The following FRMPD4 variants were observed in gnomAD, a reference collection of about 807,000 sequenced individuals.
The protein encoded by FRMPD4 is FERM and PDZ domain-containing protein 4.
FRMPD4 carries 22 observed loss-of-function variants against 94.1 expected under a neutral mutation model. The observed-to-expected ratio is 0.23, with a 90% CI of 0.17 to 0.33. The LOEUF (loss-of-function observed/expected upper bound fraction) is 0.33, where lower values mean the gene tolerates loss of function less well. Ranked by LOEUF, FRMPD4 falls within the 10% of genes least tolerant of loss-of-function variation. The probability of loss-of-function intolerance (pLI) is 1.00; values close to 1 mark genes in which losing one functional copy is unlikely to be tolerated. For synonymous variants in FRMPD4, 631 were observed against 548.6 expected, an observed-to-expected ratio of 1.15 and a Z score of -2.10; for missense variants, 1,111 against 1,339.9, an observed-to-expected ratio of 0.83 and a Z score of 2.67.
intron 3 of FRMPD4, among the ~76,000 whole-genome samples, chrX:11,917,444 T>C (rs1490121660): frequency 5.3e-5 from 6 of 112,157 alleles, no homozygotes. Context: ...TGTGCTTGTA[T>C]GTTCATCACA....
intron 2 of FRMPD4, among the ~76,000 whole-genome samples, chrX:12,501,563 A>G (rs1344805999): frequency 2.7e-5 from 3 of 110,773 alleles, no homozygotes; most frequent in African/African-American, 9.9e-5. Context: ...TTTAGAAGTT[A>G]AAGGTACAAT....
intron 1 of FRMPD4, among the ~76,000 whole-genome samples, chrX:12,263,987 A>G (rs2054235091): frequency 9.0e-6 from 1 of 111,044 alleles, no homozygotes. Context: ...TGGAGCATTA[A>G]TACCTCCCAT....
At chrX:12,619,297 C>A (rs769413567) in intron 4 of FRMPD4, among the ~76,000 whole-genome samples, 27 of 111,914 alleles carry the variant, frequency 2.4e-4, no homozygotes, top group African/African-American at 8.8e-4. Flanking sequence ...TCCTGGGTAG[C>A]GGTAGTGTTC....
intron 1 of FRMPD4, among the ~76,000 whole-genome samples, chrX:12,154,491 C>T (rs2055904736): frequency 8.9e-6 from 1 of 112,143 alleles, no homozygotes; most frequent in African/African-American, 3.2e-5. Context: ...AGAGGAGAGA[C>T]GAAATAGAAG....
chrX:12,214,380 G>A (rs2056783666), intron 1 of FRMPD4, among the ~76,000 whole-genome samples: 1 of 111,571 alleles, frequency 9.0e-6, no homozygotes, highest in South Asian at 3.7e-4. Context: ...GGGAGAGTTG[G>A]TACTTCATTT....
chrX:12,141,743 TC>T (rs1279127522), intron 1 of FRMPD4, among the ~76,000 whole-genome samples: 2 of 112,021 alleles, frequency 1.8e-5, no homozygotes, highest in Admixed American at 1.9e-4. Context: ...ATTTTCTGGT[TC>T]TTAAACTGCT....
At chrX:11,876,161 T>TCA (rs2053784286) in intron 2 of FRMPD4, among the ~76,000 whole-genome samples, 1 of 110,091 alleles carries the variant, frequency 9.1e-6, no homozygotes, top group Non-Finnish European at 1.9e-5. Context: ...TTCTTTTTTA[T>TCA]CACATTCACT....
At chrX:11,911,493 G>C (rs1048248937) in intron 3 of FRMPD4, among the ~76,000 whole-genome samples, 5 of 112,199 alleles carry the variant, frequency 4.5e-5, no homozygotes, top group African/African-American at 1.6e-4. Flanking sequence ...CTGTTTTGCA[G>C]CAAAGGGCTT....
intron 3 of FRMPD4, among the ~76,000 whole-genome samples, chrX:12,109,426 G>T (rs1476264330): frequency 8.9e-6 from 1 of 112,168 alleles, no homozygotes; most frequent in Admixed American, 9.4e-5. Context: ...TTAAAGCAGT[G>T]TGTAGAGGGA....
intron 1 of FRMPD4, among the ~76,000 whole-genome samples, chrX:12,195,219 C>T (rs528381755): frequency 3.9e-4 from 44 of 111,918 alleles, no homozygotes; most frequent in African/African-American, 1.4e-3. Flanking sequence ...TGGAACGTCA[C>T]TAATGTTTAA....
At position 11,905,225 on chromosome X, in the gene FRMPD4, C is replaced by T. The variant is rs551312893; in HGVS notation, c.95+27207C>T. 2.4e-4 allele frequency among the ~76,000 whole-genome samples: 27 copies of T among 111,893 alleles called. No individual in the cohort carries two copies. In the South Asian group the frequency reaches 6.4e-3, roughly 27 times the overall value. On this transcript the variant is annotated intron_variant, in intron 3 of 18. Coordinates refer to the FRMPD4 transcript ENST00000640291. ...CAAAAGAAAGTTTGGAAGGATACCT[C>T]CTCCGCACTGAACTTTCCCTCTTCT...
chrX:12,052,165 A>G (rs1234540732), intron 3 of FRMPD4, among the ~76,000 whole-genome samples: 2 of 111,929 alleles, frequency 1.8e-5, no homozygotes, highest in Non-Finnish European at 3.8e-5. Context: ...TATTGTGCCA[A>G]ATAAAGACAC....
rs59101475 is a variant in FRMPD4, at chrX:12,388,610, T to TA, written c.42-110057dup. Among the ~76,000 whole-genome samples the TA allele has an allele frequency of 9.3e-3, 882 of 94,539 alleles. 9 individuals are homozygous for TA. Among genetic ancestry groups the TA allele is most frequent in the African/African-American group, 0.03 (775 of 25,570 alleles). The allele number at this position is 94,539 out of a possible 115,157, so 82.1% of individuals were successfully genotyped here. A position where few individuals can be genotyped will look rare whatever the true frequency, so the allele number is the denominator to read the frequency against. ...ACAGTGAGACTCCATCTCAAAAAAT[T>TA]AAAAAAAAAAAAACTAAATAAAAAT... On this transcript the variant is annotated intron_variant, in intron 1 of 16. Transcript: ENST00000675598.
chrX:11,967,381 C>T (rs373981692), intron 3 of FRMPD4, among the ~76,000 whole-genome samples: 2 of 112,486 alleles, frequency 1.8e-5, no homozygotes, highest in South Asian at 3.7e-4. Context: ...TGTTATAAGA[C>T]GAGGCATTTG....
rs1256613751 is a variant in FRMPD4, at chrX:12,381,528, G to T, written c.42-117152G>T. Among the ~76,000 whole-genome samples, 26 of 111,746 alleles carry T rather than the reference G, an allele frequency of 2.3e-4. No individual in the cohort carries two copies. The Admixed American group carries it at 2.5e-3, about 11-fold the overall frequency. On this transcript the variant is annotated intron_variant, in intron 1 of 16. Coordinates refer to ENST00000675598, the MANE Select transcript of FRMPD4 (RefSeq NM_001368397.1). ...TTATTAAAGTGTTTTTTTTGGGGAA[G>T]AAATTGTATCCTAGTTACAAGATAA...
chrX:12,378,109 A>T (rs995798834), intron 1 of FRMPD4, among the ~76,000 whole-genome samples: 26 of 112,300 alleles, frequency 2.3e-4, no homozygotes, highest in African/African-American at 8.1e-4. Context: ...CAGGGCACCC[A>T]TGCAATTTTG....
rs201319402 is a variant in FRMPD4, at chrX:12,163,462, TA to T, written c.41+24476del. Among the ~76,000 whole-genome samples, 611 of 67,596 alleles carry T rather than the reference TA, an allele frequency of 9.0e-3. 8 individuals are homozygous for T. The highest frequency in any genetic ancestry group is 0.018 in the African/African-American group (325 of 17,773). 58.7% of individuals were successfully genotyped at this position (67,596 alleles called of 115,157 possible). A position where few individuals can be genotyped will look rare whatever the true frequency, so the allele number is the denominator to read the frequency against. ...TTTTTTTTATTCCAATGACCCTTTG[TA>T]AAAAAAAAAAAAAAAAAAAAAAAAA... On this transcript the variant is annotated intron_variant, in intron 1 of 16. Transcript: ENST00000675598.
At chrX:12,449,746 G>A (rs765272095) in intron 1 of FRMPD4, among the ~76,000 whole-genome samples, 4 of 111,298 alleles carry the variant, frequency 3.6e-5, no homozygotes, top group African/African-American at 1.3e-4. Flanking sequence ...ACAGCACTTC[G>A]GGAGACCAAG....
At chrX:12,092,014 G>A (rs758961991) in intron 3 of FRMPD4, among the ~76,000 whole-genome samples, 1 of 111,410 alleles carries the variant, frequency 9.0e-6, no homozygotes, top group East Asian at 2.8e-4. Context: ...ATTATGGGCT[G>A]GGTAATTGTA....
Sources: gnomAD v4.1 joint callset for allele counts (sites outside exome capture counted in the v4.1 genomes callset) on GRCh38, gnomAD v4.1.1 for gene constraint, MANE v1.5 for transcripts, NCBI Gene and HGNC (gene_info 2026-07-23, HGNC 2026-07-21) for gene names.